GABRB1: variants seen among roughly 807,000 people sequenced by gnomAD.
The protein encoded by GABRB1 is gamma-aminobutyric acid receptor subunit beta-1.
Under a neutral mutation model 51.6 loss-of-function variants are expected in GABRB1, and 17 were observed. The ratio of observed to expected loss-of-function variants is 0.33; its 90% CI spans 0.23 to 0.49. GABRB1 has a LOEUF of 0.49. GABRB1 is among the 20% of genes least tolerant of loss of function. GABRB1 has a pLI of 0.99. For synonymous variants in GABRB1, 247 were observed against 218.9 expected (o/e 1.13, Z -1.14); for missense variants, 410 against 600.6 (o/e 0.68, Z 3.32).
intron 4 of GABRB1, among the ~76,000 whole-genome samples, chr4:47,242,130 T>G (rs1398375649): frequency 6.6e-6 from 1 of 151,324 alleles, no homozygotes; most frequent in African/African-American, 2.4e-5. Flanking sequence ...AGTGAGAACA[T>G]GCGGTGTTTG....
chr4:47,041,943 G>A (rs1305652299), intron 3 of GABRB1, among the ~76,000 whole-genome samples: 2 of 151,944 alleles, frequency 1.3e-5, no homozygotes, highest in Admixed American at 1.3e-4. Context: ...TTACCAGAGA[G>A]AATTATACTG....
At chr4:47,233,704 C>G (rs1009847581) in intron 4 of GABRB1, among the ~76,000 whole-genome samples, 5 of 152,032 alleles carry the variant, frequency 3.3e-5, no homozygotes, top group African/African-American at 1.2e-4. Flanking sequence ...TTATCAATTT[C>G]TACATACAAA....
At chr4:47,017,183 A>G (rs2109446987) in intron 1 of GABRB1, among the ~76,000 whole-genome samples, 1 of 152,256 alleles carries the variant, frequency 6.6e-6, no homozygotes, top group East Asian at 1.9e-4. Flanking sequence ...TTTATAGTTT[A>G]TGCGTTTATG....
intron 4 of GABRB1, among the ~76,000 whole-genome samples, chr4:47,312,045 G>C (rs1724706970): frequency 9.1e-5 from 1 of 10,944 alleles, no homozygotes; most frequent in South Asian, 2.3e-3. Context: ...GCTTGTGTGT[G>C]TGTGTGTGTG....
chr4:47,250,565 C>A (rs553868770), intron 4 of GABRB1, among the ~76,000 whole-genome samples: 2 of 152,230 alleles, frequency 1.3e-5, no homozygotes, highest in Non-Finnish European at 1.5e-5. Context: ...TTTTAGAATT[C>A]TCTTCTTCCT....
intron 3 of GABRB1, among the ~76,000 whole-genome samples, chr4:47,102,032 A>G (rs1426511427): frequency 6.6e-6 from 1 of 151,992 alleles, no homozygotes; most frequent in Non-Finnish European, 1.5e-5. Context: ...TTTTAATTAG[A>G]AGAGAACCTG....
At chr4:47,297,912 C>T (rs1028354977) in intron 4 of GABRB1, among the ~76,000 whole-genome samples, 1 of 152,136 alleles carries the variant, frequency 6.6e-6, no homozygotes, top group African/African-American at 2.4e-5. Flanking sequence ...GGGCTTCATC[C>T]CTGGGATGCA....
chr4:47,138,514 C>A (rs1447127328), intron 3 of GABRB1, among the ~76,000 whole-genome samples: 1 of 152,086 alleles, frequency 6.6e-6, no homozygotes, highest in Non-Finnish European at 1.5e-5. Context: ...TTAGCCTGGC[C>A]AGAGTGACTA....
chr4:47,425,377 CCACACACACACA>C (rs34275303), intron 8 of GABRB1, among the ~76,000 whole-genome samples: 19 of 138,390 alleles, frequency 1.4e-4, no homozygotes, highest in East Asian at 4.2e-4. Context: ...AGAAGAAATA[CCACACACACACA>C]CACACACACA....
intron 3 of GABRB1, among the ~76,000 whole-genome samples, chr4:47,065,401 A>G (rs923362455): frequency 6.6e-6 from 1 of 152,236 alleles, no homozygotes; most frequent in Non-Finnish European, 1.5e-5. Flanking sequence ...GAGGCTGTGC[A>G]ATTTCTCAGT....
intron 4 of GABRB1, among the ~76,000 whole-genome samples, chr4:47,303,948 A>G (rs1025610376): frequency 2.0e-5 from 3 of 152,012 alleles, no homozygotes; most frequent in Non-Finnish European, 4.4e-5. Flanking sequence ...TTCACTTAAC[A>G]TGATGTCCTC....
intron 8 of GABRB1, among the ~76,000 whole-genome samples, chr4:47,411,642 C>A (rs1728765038): frequency 6.6e-6 from 1 of 152,172 alleles, no homozygotes; most frequent in Non-Finnish European, 1.5e-5. Context: ...GAACTATACA[C>A]ACTTTATGTC....
At chr4:47,279,118 GGATGGATGGATGGATA>G (rs1560311217) in intron 4 of GABRB1, among the ~76,000 whole-genome samples, 2 of 151,766 alleles carry the variant, frequency 1.3e-5, no homozygotes, top group African/African-American at 4.8e-5. Flanking sequence ...ATGGATGGAT[GGATGGATGGATGGATA>G]GATGGATGGA....
intron 8 of GABRB1, among the ~76,000 whole-genome samples, chr4:47,421,825 A>G (rs1729098727): frequency 1.3e-5 from 2 of 151,878 alleles, no homozygotes; most frequent in African/African-American, 4.8e-5. Flanking sequence ...ATTATGCTTC[A>G]CTCTATATCT....
chr4:47,078,509 G>A (rs757309954), intron 3 of GABRB1, among the ~76,000 whole-genome samples: 1 of 152,022 alleles, frequency 6.6e-6, no homozygotes, highest in Non-Finnish European at 1.5e-5. Context: ...CCTAAGCAAG[G>A]TTGTAAGGTG....
chr4:47,252,505 G>A (rs1366329410), intron 4 of GABRB1, among the ~76,000 whole-genome samples: 1 of 100,982 alleles, frequency 9.9e-6, no homozygotes, highest in Non-Finnish European at 1.9e-5. Flanking sequence ...AATAGCAATT[G>A]CCTTTTTTTT....
chr4:47,052,269 A>G (rs1180789100), intron 3 of GABRB1, among the ~76,000 whole-genome samples: 1 of 152,202 alleles, frequency 6.6e-6, no homozygotes, highest in Non-Finnish European at 1.5e-5. Context: ...ACTACTGAAA[A>G]GGAACATGAG....
chr4:47,326,860 C>T (rs1436523248), intron 5 of GABRB1, among the ~76,000 whole-genome samples: 1 of 152,186 alleles, frequency 6.6e-6, no homozygotes, highest in East Asian at 1.9e-4. Flanking sequence ...TGAACTGAGA[C>T]ATCTATATCA....
chr4:47,181,065 A>T (rs1718926026), intron 4 of GABRB1, among the ~76,000 whole-genome samples: 3 of 152,092 alleles, frequency 2.0e-5, no homozygotes, highest in African/African-American at 7.2e-5. Context: ...AGACTCAGAT[A>T]CTTTATTAAT....
Sources: allele counts gnomAD v4.1 joint callset (sites outside exome capture counted in the v4.1 genomes callset), GRCh38; gene constraint gnomAD v4.1.1; transcripts MANE v1.5; gene names NCBI Gene and HGNC (gene_info 2026-07-23, HGNC 2026-07-21).